NOCT: variants seen among roughly 807,000 people sequenced by gnomAD.
NOCT encodes the protein CCR4 carbon catabolite repression 4-like.
In NOCT, 18 loss-of-function variants were observed where a neutral mutation model predicts 35.0. The ratio of observed to expected loss-of-function variants is 0.51; its 90% CI spans 0.36 to 0.76. NOCT has a LOEUF of 0.76. Among genes scored for constraint, NOCT ranks in the 30% least tolerant of loss-of-function variants. The pLI is 0.01. For missense variants in NOCT, 479 were observed against 541.0 expected, an observed-to-expected ratio of 0.89 and a Z score of 1.14; for synonymous variants, 235 against 226.3, an observed-to-expected ratio of 1.04 and a Z score of -0.34.
At chr4:139,025,798 C>T (rs984686119) in intron 1 of NOCT, among the ~76,000 whole-genome samples, 3 of 128,848 alleles carry the variant, frequency 2.3e-5, no homozygotes, top group Non-Finnish European at 5.2e-5. Context: ...AGCGAGACTC[C>T]GTCTCAAAAA....
chr4:139,025,241 C>T (rs558016438), intron 1 of NOCT, among the ~76,000 whole-genome samples: 5 of 152,304 alleles, frequency 3.3e-5, no homozygotes, highest in South Asian at 2.1e-4. Context: ...ACACATGTAA[C>T]TAGTGCCACC....
intron 1 of NOCT, among the ~76,000 whole-genome samples, chr4:139,025,119 C>G (rs1472767898): frequency 1.3e-5 from 2 of 152,280 alleles, no homozygotes; most frequent in South Asian, 2.1e-4. Flanking sequence ...CTTTCAGGTC[C>G]ATTCACCTTT....
intron 1 of NOCT, among the ~76,000 whole-genome samples, chr4:139,028,911 G>C (rs1007495041): frequency 6.6e-6 from 1 of 152,016 alleles, no homozygotes; most frequent in African/African-American, 2.4e-5. Context: ...GCGTGATCTC[G>C]GCTCACTGCA....
intron 1 of NOCT, among the ~76,000 whole-genome samples, chr4:139,032,950 A>T (rs1292481402): frequency 6.6e-6 from 1 of 152,206 alleles, no homozygotes; most frequent in African/African-American, 2.4e-5. Flanking sequence ...CTGTAGTCCC[A>T]GCTACTTGGG....
In NOCT at chr4:139,045,699, G is replaced by C; in HGVS notation, c.*225G>C. On this transcript the variant is annotated 3_prime_UTR_variant, in exon 3 of 3. Transcript: ENST00000280614. Reference sequence around the variant, plus strand: ...GCCCAGCTAATTTTTTGTATTTTTAGTAGAGACGGGGTTTCACCGTGTTAG... The same window carrying C: ...GCCCAGCTAATTTTTTGTATTTTTACTAGAGACGGGGTTTCACCGTGTTAG... 2.4e-6 allele frequency: 1 copy of C among 417,202 alleles called. No individual in the cohort carries two copies. Among genetic ancestry groups the C allele is most frequent in the Non-Finnish European group, 4.2e-6 (1 of 236,628 alleles). The allele number at this position is 417,202 out of a possible 1,614,324, so 25.8% of individuals were successfully genotyped here.
Position 139,034,632 on chromosome 4 carries a change from G to A in NOCT, c.191-8442G>A, listed in dbSNP as rs571215095. Among the ~76,000 whole-genome samples, 9 of 151,626 alleles carry A rather than the reference G, an allele frequency of 5.9e-5. No individual in the cohort carries two copies. In the South Asian group the frequency reaches 1.5e-3, roughly 25 times the overall value. ...GTCACCCAGGCTGGAGTGCAGTGGC[G>A]TGTCTCACAGTTCACTGCAGCTTCA... On this transcript the variant is annotated intron_variant, in intron 1 of 2. Coordinates refer to ENST00000280614, the MANE Select transcript of NOCT (RefSeq NM_012118.4).
At position 139,022,197 on chromosome 4, in the gene NOCT, A is replaced by G. The variant is rs368670408; in HGVS notation, c.190+6026A>G. On this transcript the variant is annotated intron_variant, in intron 1 of 2. Coordinates refer to ENST00000280614, the MANE Select transcript of NOCT (RefSeq NM_012118.4). ...GTTTGGACTTCCACGGAAAGCAGCT[A>G]AGATACTTTTTATTTATTGTTATTC... Among the ~76,000 whole-genome samples the G allele has an allele frequency of 2.0e-5, 3 of 152,284 alleles. No homozygotes were observed. The East Asian group carries it at 5.8e-4, about 30-fold the overall frequency.
At chr4:139,016,464 C>T (rs2148640995) in intron 1 of NOCT, among the ~76,000 whole-genome samples, 1 of 152,112 alleles carries the variant, frequency 6.6e-6, no homozygotes, top group Admixed American at 6.5e-5. Context: ...CGTTAAATTT[C>T]CCCCTTCCGA....
chr4:139,039,543 G>T, intron 1 of NOCT, among the ~76,000 whole-genome samples: 1 of 148,660 alleles, frequency 6.7e-6, no homozygotes, highest in South Asian at 2.1e-4. Flanking sequence ...CTCATATTTT[G>T]GGTCTTTGCT....
intron 1 of NOCT, among the ~76,000 whole-genome samples, 164 bp downstream of exon 1, chr4:139,016,335 C>T (rs1254841279): frequency 6.6e-6 from 1 of 152,090 alleles, no homozygotes; most frequent in Non-Finnish European, 1.5e-5. Flanking sequence ...CCTTTTTCCT[C>T]TTTCCCTGTT....
At chr4:139,040,541 T>A (rs189181222) in intron 1 of NOCT, among the ~76,000 whole-genome samples, 1 of 152,340 alleles carries the variant, frequency 6.6e-6, no homozygotes, top group Admixed American at 6.5e-5. Flanking sequence ...CTCAAACGTT[T>A]GACTCCCATT....
At chr4:139,042,071 C>CTTTTTTTTTTTTTTTTTTTTTTTTTTTTT (rs368776726) in intron 1 of NOCT, among the ~76,000 whole-genome samples, 1 of 108,740 alleles carries the variant, frequency 9.2e-6, no homozygotes, top group Non-Finnish European at 1.7e-5. Flanking sequence ...TCTTTAAGAT[C>CTTTTTTTTTTTTTTTTTTTTTTTTTTTTT]TTTTTTTTTT....
intron 1 of NOCT, among the ~76,000 whole-genome samples, chr4:139,036,982 A>T (rs1726747860): frequency 6.6e-6 from 1 of 152,160 alleles, no homozygotes; most frequent in Non-Finnish European, 1.5e-5. Context: ...ATAAGTGGAA[A>T]TGCCTTTCAG....
chr4:139,037,120 A>C (rs548283988), intron 1 of NOCT, among the ~76,000 whole-genome samples: 3 of 152,222 alleles, frequency 2.0e-5, no homozygotes, highest in Admixed American at 2.0e-4. Context: ...TCAGTGTTGC[A>C]CCAGTCCACC....
At position 139,043,083 on chromosome 4, in the gene NOCT, T is replaced by C; in HGVS notation, c.200T>C (p.Met67Thr). The change falls in exon 2 of 3, where the codon ATG becomes ACG. Residue 67 changes from methionine (M) to threonine (T), a missense_variant. Met to Thr is a moderately conservative substitution (Grantham distance 81, BLOSUM62 -1). This residue lies in a region of NOCT where 265 missense variants were observed against 257.0 expected (regional missense o/e 1.03). Coordinates refer to ENST00000280614, the MANE Select transcript of NOCT (RefSeq NM_012118.4). ...ARSCSRTVCS[M>T]GTGTSRLYSA... ...ATTTCCTTTTCCGTAGTGTGTTCCA[T>C]GGGAACCGGTACAAGCAGACTCTAT... 1 of 1,596,170 alleles carries C rather than the reference T, an allele frequency of 6.3e-7. No individual in the cohort carries two copies. The highest frequency in any genetic ancestry group is 8.6e-7 in the Non-Finnish European group (1 of 1,165,286).
chr4:139,023,055 C>T (rs987376335), intron 1 of NOCT, among the ~76,000 whole-genome samples: 6 of 151,386 alleles, frequency 4.0e-5, no homozygotes, highest in African/African-American at 1.5e-4. Flanking sequence ...TAGCTGAGAT[C>T]GTACCACTGT....
intron 1 of NOCT, chr4:139,028,200 C>T (rs181210710): frequency 2.6e-5 from 4 of 152,350 alleles, no homozygotes; most frequent in Admixed American, 2.6e-4. Flanking sequence ...CAATTGAGCA[C>T]CAGTCGAACA....
At chr4:139,017,524 C>A (rs899450643) in intron 1 of NOCT, among the ~76,000 whole-genome samples, 3 of 150,294 alleles carry the variant, frequency 2.0e-5, no homozygotes, top group African/African-American at 7.3e-5. Flanking sequence ...CACCGCCCCC[C>A]CGGCCTATAA....
intron 1 of NOCT, among the ~76,000 whole-genome samples, chr4:139,039,458 T>C (rs1726795706): frequency 6.6e-6 from 1 of 151,954 alleles, no homozygotes; most frequent in South Asian, 2.1e-4. Context: ...ATCTACTTTT[T>C]AAGTATTTTT....
Sources: allele counts gnomAD v4.1 joint callset (sites outside exome capture counted in the v4.1 genomes callset), GRCh38; gene constraint gnomAD v4.1.1; regional missense constraint gnomAD v4.1.1; transcripts MANE v1.5; gene names NCBI Gene and HGNC (gene_info 2026-07-23, HGNC 2026-07-21).